SEZ6L: variants seen among roughly 807,000 people sequenced by gnomAD.
SEZ6L encodes the protein seizure related 6 homolog like.
Under a neutral mutation model 106.2 loss-of-function variants are expected in SEZ6L, and 37 were observed. The observed-to-expected ratio is 0.35, with a 90% CI of 0.27 to 0.46. The LOEUF (loss-of-function observed/expected upper bound fraction) is 0.46, where lower values mean the gene tolerates loss of function less well. SEZ6L is among the 20% of genes least tolerant of loss of function. The probability of loss-of-function intolerance (pLI) is 1.00; values close to 1 mark genes in which losing one functional copy is unlikely to be tolerated. For missense variants in SEZ6L, 1,172 were observed against 1,332.8 expected (o/e 0.88, Z 1.88); for synonymous variants, 541 against 570.4 (o/e 0.95, Z 0.73).
chr22:26,186,973 C>T (rs1358186414), intron 1 of SEZ6L, among the ~76,000 whole-genome samples: 1 of 152,172 alleles, frequency 6.6e-6, no homozygotes, highest in Non-Finnish European at 1.5e-5. Flanking sequence ...GAGGTCCTCA[C>T]AGATAGGACT....
In SEZ6L at chr22:26,340,819, C is replaced by T. The variant is rs557740093; in HGVS notation, c.2212+187C>T. ...GAGGACCAGGGTTTGAGCCCTAGCA[C>T]GGTCATCGATGTCTGTGTGGCTTTG... On this transcript the variant is annotated intron_variant, in intron 10 of 16. Transcript: ENST00000248933. Among the ~76,000 whole-genome samples, 335 of 152,292 alleles carry T rather than the reference C, an allele frequency of 2.2e-3. 11 individuals carry two copies. In the South Asian group the frequency reaches 0.044, roughly 20 times the overall value.
At chr22:26,320,259 G>A (rs2082117939) in intron 9 of SEZ6L, among the ~76,000 whole-genome samples, 2 of 152,090 alleles carry the variant, frequency 1.3e-5, no homozygotes, top group Non-Finnish European at 2.9e-5. Flanking sequence ...AAGTGCCGTG[G>A]GGCTTGGGGA....
At chr22:26,170,456 G>A (rs1021925012) in intron 1 of SEZ6L, among the ~76,000 whole-genome samples, 2 of 151,478 alleles carry the variant, frequency 1.3e-5, no homozygotes, top group African/African-American at 4.9e-5. Flanking sequence ...CTACTGCCTA[G>A]CATCTCTGAT....
intron 1 of SEZ6L, among the ~76,000 whole-genome samples, chr22:26,249,831 G>A (rs147604243): frequency 1.5e-4 from 23 of 152,192 alleles, no homozygotes; most frequent in African/African-American, 5.3e-4. Context: ...ATCCTCGCCA[G>A]CATGTTATTT....
rs2083935665 is a variant in SEZ6L, at chr22:26,369,362, C to CGA, written c.2794+3796_2794+3797insGA. Reference sequence around the variant, plus strand: ...AGTTCTTTTGTTTTTTTTTTTGAGACAGATTCTCGCTCTGTCCCCCAGGCT... The same window carrying CGA: ...AGTTCTTTTGTTTTTTTTTTTGAGACGAAGATTCTCGCTCTGTCCCCCAGGCT... On this transcript the variant is annotated intron_variant, in intron 13 of 16. Coordinates refer to ENST00000248933, the MANE Select transcript of SEZ6L (RefSeq NM_021115.5). 5.3e-5 allele frequency among the ~76,000 whole-genome samples: 2 copies of CGA among 37,442 alleles called. 1 individual carries two copies. Among genetic ancestry groups the CGA allele is most frequent in the Non-Finnish European group, 9.1e-5 (2 of 21,872 alleles). The allele number at this position is 37,442 out of a possible 152,430, so 24.6% of individuals were successfully genotyped here.
intron 1 of SEZ6L, among the ~76,000 whole-genome samples, chr22:26,288,016 G>A (rs2080992240): frequency 6.6e-6 from 1 of 152,202 alleles, no homozygotes; most frequent in Admixed American, 6.5e-5. Context: ...TGTACCCTGG[G>A]GGACCCAGAG....
At chr22:26,354,513 C>G (rs1193364158) in intron 12 of SEZ6L, among the ~76,000 whole-genome samples, 1 of 152,154 alleles carries the variant, frequency 6.6e-6, no homozygotes, top group South Asian at 2.1e-4. Flanking sequence ...GGTCCTTTGT[C>G]AAGGGCAGCC....
At chr22:26,306,219 T>C in intron 6 of SEZ6L, 75 bp downstream of exon 6, 3 of 1,513,804 alleles carry the variant, frequency 2.0e-6, no homozygotes, top group Admixed American at 1.8e-5. Flanking sequence ...ACTTGGAGTC[T>C]TGAAATGGCT....
intron 1 of SEZ6L, among the ~76,000 whole-genome samples, chr22:26,281,008 C>A (rs144531712): frequency 1.4e-3 from 218 of 152,290 alleles, no homozygotes; most frequent in African/African-American, 5.1e-3. Flanking sequence ...ACTTATCTCT[C>A]CTATGCTTTG....
Position 26,296,910 on chromosome 22 carries a change from A to T in SEZ6L, c.992A>T (p.Asp331Val), listed in dbSNP as rs1287570848. The change falls in exon 4 of 17, where the codon GAT becomes GTT. Residue 331 changes from aspartate to valine, a missense_variant. Coordinates refer to ENST00000248933, the MANE Select transcript of SEZ6L (RefSeq NM_021115.5). ...CAGGTGAAGAGTGTGAACCTGTCCG[A>T]TGGGGAACTGCTCTCCATCCGCGGG... Reference protein sequence around the residue: ...ELQVKSVNLSDGELLSIRGVD... With the variant: ...ELQVKSVNLSVGELLSIRGVD... The T allele has an allele frequency of 2.5e-6, 4 of 1,611,036 alleles. No homozygotes were observed. The highest frequency in any genetic ancestry group is 3.4e-6 in the Non-Finnish European group (4 of 1,178,378).
At chr22:26,214,559 G>A (rs1400279351) in intron 1 of SEZ6L, among the ~76,000 whole-genome samples, 1 of 152,212 alleles carries the variant, frequency 6.6e-6, no homozygotes, top group Non-Finnish European at 1.5e-5. Flanking sequence ...ATCATGTGGA[G>A]TATTATATAT....
intron 1 of SEZ6L, among the ~76,000 whole-genome samples, chr22:26,228,955 T>C (rs1187674086): frequency 6.6e-6 from 1 of 152,186 alleles, no homozygotes; most frequent in Non-Finnish European, 1.5e-5. Flanking sequence ...GTGTTGATTG[T>C]AGTGGTGGTT....
At chr22:26,295,224 C>A (rs2081267405) in intron 3 of SEZ6L, among the ~76,000 whole-genome samples, 1 of 152,110 alleles carries the variant, frequency 6.6e-6, no homozygotes, top group South Asian at 2.1e-4. Context: ...ATGCAGAGAT[C>A]ATTTGGCCAC....
chr22:26,308,038 C>G (rs1463205713), intron 6 of SEZ6L, among the ~76,000 whole-genome samples: 1 of 151,958 alleles, frequency 6.6e-6, no homozygotes, highest in Non-Finnish European at 1.5e-5. Flanking sequence ...GGTTAAAGGT[C>G]AACACACACA....
intron 1 of SEZ6L, among the ~76,000 whole-genome samples, chr22:26,180,096 T>G (rs1017947685): frequency 2.0e-5 from 3 of 152,190 alleles, no homozygotes; most frequent in Non-Finnish European, 4.4e-5. Flanking sequence ...GGTTGGTTCT[T>G]CATACTTAAT....
intron 13 of SEZ6L, among the ~76,000 whole-genome samples, chr22:26,369,761 G>A (rs1253623632): frequency 6.6e-6 from 1 of 151,998 alleles, no homozygotes; most frequent in Non-Finnish European, 1.5e-5. Context: ...ACTAAGTCCA[G>A]CCCAGTGTTT....
intron 11 of SEZ6L, among the ~76,000 whole-genome samples, chr22:26,349,047 A>G (rs888908731): frequency 5.3e-5 from 8 of 152,204 alleles, no homozygotes; most frequent in African/African-American, 1.9e-4. Context: ...CTAGTTCCCT[A>G]TAGAAGTCTT....
chr22:26,304,396 G>GAA lies in SEZ6L; in HGVS notation c.1349-1581_1349-1580dup, dbSNP rs756945487. ...AGAAAGAAAGAAAGAAAGAAAGAAA[G>GAA]AAAGAAAGAAAGAAAGAAAGAAAGA... On this transcript the variant is annotated intron_variant, in intron 5 of 16. Transcript: ENST00000248933. 5.6e-4 allele frequency among the ~76,000 whole-genome samples: 80 copies of GAA among 143,188 alleles called. 1 individual carries two copies. The highest frequency in any genetic ancestry group is 3.5e-3 in the Middle Eastern group (1 of 286). The allele number at this position is 143,188 out of a possible 152,430, so 93.9% of individuals were successfully genotyped here.
chr22:26,197,515 C>A (rs1040437716), intron 1 of SEZ6L, among the ~76,000 whole-genome samples: 1 of 152,166 alleles, frequency 6.6e-6, no homozygotes, highest in Non-Finnish European at 1.5e-5. Context: ...AGGAGACAGA[C>A]AGGAGGGGTC....
Sources: gnomAD v4.1 joint callset for allele counts (sites outside exome capture counted in the v4.1 genomes callset) on GRCh38, gnomAD v4.1.1 for gene constraint, MANE v1.5 for transcripts, NCBI Gene and HGNC (gene_info 2026-07-23, HGNC 2026-07-21) for gene names.